SLC12A5: variants seen among roughly 807,000 people sequenced by gnomAD.
The protein encoded by SLC12A5 is K-Cl cotransporter 2.
Under a neutral mutation model 124.0 loss-of-function variants are expected in SLC12A5, and 18 were observed. The observed-to-expected ratio is 0.15, with a 90% CI of 0.10 to 0.22. The LOEUF is 0.22. SLC12A5 is among the 10% of genes least tolerant of loss of function. The pLI, the probability that SLC12A5 is intolerant of heterozygous loss-of-function variation, is 1.00. For synonymous variants in SLC12A5, 589 were observed against 568.0 expected (o/e 1.04, Z -0.53); for missense variants, 867 against 1,478.7 (o/e 0.59, Z 6.78).
At chr20:46,036,107 C>T (rs755445155) in intron 4 of SLC12A5, 184 bp downstream of exon 4, 12 of 655,248 alleles carry the variant, frequency 1.8e-5, no homozygotes, top group Non-Finnish European at 2.2e-5. Flanking sequence ...TCCTTGATGG[C>T]TGTTAACCAG....
Position 46,057,318 on chromosome 20 carries a change from A to T in SLC12A5, c.3259+15A>T, listed in dbSNP as rs1216032400. 6.2e-7 allele frequency: 1 copy of T among 1,613,728 alleles called. No individual in the cohort carries two copies. Among genetic ancestry groups the T allele is most frequent in the Non-Finnish European group, 8.5e-7 (1 of 1,179,638 alleles). ...TGATGAAAACTGTATCCTGGAATTA[A>T]AATTGGGGGAAAGAGGGAGGTGGAC... On this transcript the variant is annotated intron_variant, in intron 25 of 25. Transcript: ENST00000243964. The surrounding 1 kb of genome is among the most constrained non-coding windows in gnomAD (Gnocchi z 7.1).
At chr20:46,055,792 G>A in intron 21 of SLC12A5, 1 of 261,366 alleles carries the variant, frequency 3.8e-6, no homozygotes, top group East Asian at 9.5e-5. Context: ...GAGATGGGAA[G>A]GATGGATCCT....
intron 17 of SLC12A5, 117 bp downstream of exon 17, chr20:46,049,907 T>C (rs2084633279): frequency 3.1e-6 from 4 of 1,275,338 alleles, no homozygotes; most frequent in Non-Finnish European, 4.2e-6. Flanking sequence ...TGCAGGCATT[T>C]CTTTTCTTTT....
chr20:46,047,373 A>G (rs2084605341), intron 14 of SLC12A5, 81 bp from the exon 15 acceptor site: 7 of 1,566,946 alleles, frequency 4.5e-6, no homozygotes, highest in African/African-American at 1.3e-5. Flanking sequence ...GCCCTGCCCC[A>G]TCTCCCTCTT....
At position 46,052,952 on chromosome 20, in the gene SLC12A5, C is replaced by G; in HGVS notation, c.2378-5C>G. ...CCCTCTGGCCCTCTCCTTGGCCTCCCTCAGAGCTGGTCCGGGAAACCACAG... is the reference window on the plus strand; with the variant it reads ...CCCTCTGGCCCTCTCCTTGGCCTCCGTCAGAGCTGGTCCGGGAAACCACAG... On this transcript the variant is annotated splice_region_variant and splice_polypyrimidine_tract_variant and intron_variant, in intron 18 of 25. Transcript: ENST00000243964. 1 of 1,607,648 alleles carries G rather than the reference C, an allele frequency of 6.2e-7. No individual in the cohort carries two copies. Among genetic ancestry groups the G allele is most frequent in the Non-Finnish European group, 8.5e-7 (1 of 1,175,024 alleles).
chr20:46,045,569 T>A lies in SLC12A5; in HGVS notation c.1570-309T>A, dbSNP rs1438264823. Reference sequence around the variant, plus strand: ...CATGGTGCTAAAAAAAAAAGACGGATGGAGCACAGGGTCGTGGTGGCTTGC... The same window carrying A: ...CATGGTGCTAAAAAAAAAAGACGGAAGGAGCACAGGGTCGTGGTGGCTTGC... On this transcript the variant is annotated intron_variant, in intron 12 of 25. Transcript: ENST00000243964. The surrounding 1 kb of genome is among the most constrained non-coding windows in gnomAD (Gnocchi z 4.9). Among the ~76,000 whole-genome samples the A allele has an allele frequency of 6.6e-6, 1 of 151,368 alleles. No homozygotes were observed. The highest frequency in any genetic ancestry group is 1.9e-4 in the East Asian group (1 of 5,172).
rs1243787089 is a variant in SLC12A5 at position 46,053,382 on chromosome 20, T to G, written c.2548-196T>G. Among the ~76,000 whole-genome samples, 1 of 152,216 alleles carries G rather than the reference T, an allele frequency of 6.6e-6. No homozygotes were observed. The highest frequency in any genetic ancestry group is 1.5e-5 in the Non-Finnish European group (1 of 68,036). On this transcript the variant is annotated intron_variant, in intron 19 of 25. Transcript: ENST00000243964. This position sits in a 1 kb window ranked among gnomAD's most constrained non-coding sequence, Gnocchi z 4.7. ...ATGCTTAGCCCAAGCCAGTGATGCTTTCTTTAATGGGGGACCCTCAGACCT... is the reference window on the plus strand; with the variant it reads ...ATGCTTAGCCCAAGCCAGTGATGCTGTCTTTAATGGGGGACCCTCAGACCT...
At chr20:46,026,394 G>A (rs955905274), upstream of SLC12A5, among the ~76,000 whole-genome samples, 1 of 152,206 alleles carries the variant, frequency 6.6e-6, no homozygotes, top group Non-Finnish European at 1.5e-5. Context: ...CAGGTTCCTG[G>A]GGCTCTGAGC....
At chr20:46,051,988 T>A in intron 18 of SLC12A5, 118 bp downstream of exon 18, 1 of 898,024 alleles carries the variant, frequency 1.1e-6, no homozygotes, top group Non-Finnish European at 1.6e-6. Context: ...GTGCCAAGTG[T>A]GGATTCAGCA....
At position 46,051,662 on chromosome 20, in the gene SLC12A5, C is replaced by A. The variant is rs2084647804; in HGVS notation, c.2182-13C>A. 6.3e-7 allele frequency: 1 copy of A among 1,598,458 alleles called. No individual in the cohort carries two copies. The highest frequency in any genetic ancestry group is 1.4e-5 in the African/African-American group (1 of 73,870). ...GGCCTGAGGCTGGTCCTTGTCTTTT[C>A]CCCCTCCCCTAGTCTATCAGGCGCC... is the stretch of plus-strand genomic sequence containing the variant. On this transcript the variant is annotated splice_polypyrimidine_tract_variant and intron_variant, in intron 17 of 25. Transcript: ENST00000243964.
chr20:46,047,526 A>G lies in SLC12A5; in HGVS notation c.1860A>G (p.Val620=). The part of the protein sequence containing the change: ...MFICSWYYAL[V]AMLIAGLIYK... The stretch of plus-strand genomic sequence containing the variant: ...TCTGCTCCTGGTATTATGCACTGGT[A>G]GCCATGCTCATTGCTGGACTCATCT... Residue 620 remains valine, a synonymous_variant, in exon 15 of 26, where the codon GTA becomes GTG. Transcript: ENST00000243964. 1 of 1,614,030 alleles carries G rather than the reference A, an allele frequency of 6.2e-7. No individual in the cohort carries two copies. The highest frequency in any genetic ancestry group is 8.5e-7 in the Non-Finnish European group (1 of 1,179,954).
chr20:46,043,410 CA>C, intron 9 of SLC12A5, 87 bp downstream of exon 9: 20 of 1,490,310 alleles, frequency 1.3e-5, no homozygotes, highest in African/African-American at 1.4e-5. Context: ...TTTCTTAGTC[CA>C]AAAACCCCAT....
At chr20:46,025,690 C>T (rs547220702), upstream of SLC12A5, among the ~76,000 whole-genome samples, 1 of 152,170 alleles carries the variant, frequency 6.6e-6, no homozygotes, top group Admixed American at 6.5e-5. Flanking sequence ...CCCCGGTTGC[C>T]ACGGAGACAG....
In SLC12A5 at chr20:46,045,087, G is replaced by T; in HGVS notation, c.1516G>T (p.Ala506Ser). 6.2e-7 allele frequency: 1 copy of T among 1,611,340 alleles called. No homozygotes were observed. Among genetic ancestry groups the T allele is most frequent in the Non-Finnish European group, 8.5e-7 (1 of 1,178,640 alleles). ...GGCTGGGCTGCAGAGCCTCACGGGG[G>T]CCCCACGCCTGCTGCAGGCCATCTC... ...CGAGLQSLTG[A>S]PRLLQAISRD... is the part of the protein sequence containing the mutation. The change falls in exon 12 of 26, where the codon GCC (alanine) becomes TCC (serine). Residue 506 changes from alanine (A) to serine (S), a missense_variant. By Grantham distance (99) the Ala-to-Ser change is moderately conservative. Transcript: ENST00000243964. This position sits in a 1 kb window ranked among gnomAD's most constrained non-coding sequence, Gnocchi z 4.9.
At chr20:46,021,938 G>A in intron 1 of SLC12A5, 1 of 1,450,958 alleles carries the variant, frequency 6.9e-7, no homozygotes, top group East Asian at 2.7e-5. Flanking sequence ...ACGAGGGGGA[G>A]GGGCCGGGGC....
upstream of SLC12A5, among the ~76,000 whole-genome samples, chr20:46,026,463 TG>T (rs1464346377): frequency 2.0e-5 from 3 of 152,214 alleles, no homozygotes; most frequent in Non-Finnish European, 2.9e-5. Flanking sequence ...GCCTGCCATG[TG>T]TTTTCTCTGA....
chr20:46,047,719 G>A (rs2084608618), intron 15 of SLC12A5, 146 bp downstream of exon 15: 3 of 1,089,288 alleles, frequency 2.8e-6, no homozygotes, highest in Non-Finnish European at 3.9e-6. Context: ...GAGGGAGAGG[G>A]TGATATGGGA....
At chr20:46,037,768 A>C (rs150208214) in intron 6 of SLC12A5, among the ~76,000 whole-genome samples, 53 of 152,328 alleles carry the variant, frequency 3.5e-4, no homozygotes, top group African/African-American at 1.2e-3. Context: ...AGGTGGGTTG[A>C]TGAGTTAAAA....
chr20:46,022,049 G>A, intron 1 of SLC12A5: 1 of 904,478 alleles, frequency 1.1e-6, no homozygotes, highest in Non-Finnish European at 1.5e-6. Context: ...AAACCAAGGG[G>A]CCGGGGCCGC....
Sources: allele counts gnomAD v4.1 joint callset (sites outside exome capture counted in the v4.1 genomes callset), GRCh38; gene constraint gnomAD v4.1.1; non-coding constraint Gnocchi (gnomAD v3.1); transcripts MANE v1.5; gene names NCBI Gene and HGNC (gene_info 2026-07-23, HGNC 2026-07-21).